Variants in MYH2 observed in about 807,000 individuals in gnomAD.
MYH2 encodes myosin-2.
MYH2 carries 139 observed loss-of-function variants against 228.1 expected under a neutral mutation model. The ratio of observed to expected loss-of-function variants is 0.61; its 90% CI spans 0.53 to 0.70. The LOEUF (loss-of-function observed/expected upper bound fraction) is 0.70. Among genes scored for constraint, MYH2 ranks in the 30% least tolerant of loss-of-function variants. MYH2 has a pLI of 0.00. For missense variants in MYH2, 1,809 were observed against 2,357.5 expected (o/e 0.77, Z 4.82); for synonymous variants, 796 against 871.1 (o/e 0.91, Z 1.52).
intron 23 of MYH2, 41 bp from the exon 24 acceptor site, chr17:10,529,781 C>T (rs761672689): frequency 6.2e-7 from 1 of 1,613,990 alleles, no homozygotes; most frequent in African/African-American, 1.3e-5. Context: ...TATAAAGCAC[C>T]TTTGTTGGGT....
chr17:10,524,431 A>G lies in MYH2; in HGVS notation c.5175+35T>C. On this transcript the variant is annotated intron_variant, in intron 35 of 39. Transcript: ENST00000245503. The surrounding 1 kb of genome is among the most constrained non-coding windows in gnomAD (Gnocchi z 4.7). Reference sequence around the variant, plus strand: ...GCTTATCTATTCTGGGACATATAAAATTTACTAAGGAGAGTTCTTTGTGCT... The same window carrying G: ...GCTTATCTATTCTGGGACATATAAAGTTTACTAAGGAGAGTTCTTTGTGCT... The G allele has an allele frequency of 6.2e-7, 1 of 1,613,876 alleles. No individual in the cohort carries two copies.
At chr17:10,530,902 CA>C (rs1456739123) in intron 22 of MYH2, among the ~76,000 whole-genome samples, 1 of 152,020 alleles carries the variant, frequency 6.6e-6, no homozygotes, top group East Asian at 1.9e-4. Context: ...CCAGTCTTAA[CA>C]GAAAAAAATA....
chr17:10,528,732 A>G lies in MYH2; in HGVS notation c.3702T>C (p.Ile1234=), dbSNP rs778284203. Residue 1234 remains isoleucine (I), a synonymous_variant, in exon 27 of 40, where the codon ATT becomes ATC. Transcript: ENST00000245503. ...TTTCTACATTACTAGCAAGGTCATC[A>G]ATCTCCATCTTCATCTCACTCTTCT... The part of the protein sequence containing the change: ...EKEKSEMKME[I]DDLASNVETV... 6 of 1,614,096 alleles carry G rather than the reference A, an allele frequency of 3.7e-6. No homozygotes were observed. The highest frequency in any genetic ancestry group is 3.3e-5 in the South Asian group (3 of 91,074).
In MYH2 at chr17:10,525,529, G is replaced by T. The variant is rs1252661708; in HGVS notation, c.4459C>A (p.Leu1487Met). 1 of 1,614,074 alleles carries T rather than the reference G, an allele frequency of 6.2e-7. No homozygotes were observed. Among genetic ancestry groups the T allele is most frequent in the Non-Finnish European group, 8.5e-7 (1 of 1,180,046 alleles). Residue 1487 changes from leucine (L) to methionine (M), a missense_variant, in exon 32 of 40, where the codon CTG (leucine) becomes ATG (methionine). Coordinates refer to ENST00000245503, the MANE Select transcript of MYH2 (RefSeq NM_017534.6). This position sits in a 1 kb window ranked among gnomAD's most constrained non-coding sequence, Gnocchi z 4.2. ...TCATAGGCATTCTTTATCTTGAACAGCTCAGTGCCAAGGGAACGGGCCTCC... is the reference window on the plus strand; with the variant it reads ...TCATAGGCATTCTTTATCTTGAACATCTCAGTGCCAAGGGAACGGGCCTCC... ...QKEARSLGTE[L>M]FKIKNAYEES...
chr17:10,542,542 G>C (rs1242702985), intron 10 of MYH2, among the ~76,000 whole-genome samples: 1 of 152,132 alleles, frequency 6.6e-6, no homozygotes, highest in Non-Finnish European at 1.5e-5. Flanking sequence ...TTACAGGAGA[G>C]CATGTAACCA....
Position 10,547,474 on chromosome 17 carries a change from C to T in MYH2, c.348+1G>A, listed in dbSNP as rs778595649. On this transcript the variant is annotated splice_donor_variant, in intron 4 of 39. Transcript: ENST00000245503. LOFTEE classifies it high-confidence loss of function. ...ACAGAGCACTGGCAGGGGACACTCA[C>T]GTAGATCATCCAGGCTGCATAACGT... The T allele has an allele frequency of 6.2e-7, 1 of 1,614,090 alleles. No individual in the cohort carries two copies. Among genetic ancestry groups the T allele is most frequent in the Non-Finnish European group, 8.5e-7 (1 of 1,179,992 alleles).
At chr17:10,536,398 AAATGT>A (rs2073482388) in intron 17 of MYH2, 127 bp downstream of exon 17, 2 of 672,336 alleles carry the variant, frequency 3.0e-6, no homozygotes, top group East Asian at 2.9e-5. Flanking sequence ...TAATTTTAAT[AAATGT>A]AATGTGATAT....
In MYH2 at chr17:10,545,389, G is replaced by A. The variant is rs1440894208; in HGVS notation, c.462C>T (p.His154=). The change falls in exon 5 of 40, where the codon CAC becomes CAT. Residue 154 remains histidine, a synonymous_variant. Coordinates refer to ENST00000245503, the MANE Select transcript of MYH2 (RefSeq NM_017534.6). ...RGKKRQEAPP[H]IFSISDNAYQ... ...AGGCGTTGTCAGAGATGGAGAAGATGTGGGGCGGGGCCTCCTGGCGCTTTT... is the reference window on the plus strand; with the variant it reads ...AGGCGTTGTCAGAGATGGAGAAGATATGGGGCGGGGCCTCCTGGCGCTTTT... The A allele has an allele frequency of 2.0e-5, 33 of 1,613,954 alleles. No homozygotes were observed. Among genetic ancestry groups the A allele is most frequent in the Non-Finnish European group, 2.5e-5 (30 of 1,180,000 alleles).
rs926861042 is a variant in MYH2, at chr17:10,524,427, T to C, written c.5175+39A>G. ...TCAGGCTTATCTATTCTGGGACATA[T>C]AAAATTTACTAAGGAGAGTTCTTTG... On this transcript the variant is annotated intron_variant, in intron 35 of 39. Coordinates refer to ENST00000245503, the MANE Select transcript of MYH2 (RefSeq NM_017534.6). This position sits in a 1 kb window ranked among gnomAD's most constrained non-coding sequence, Gnocchi z 4.7. 3 of 1,613,496 alleles carry C rather than the reference T, an allele frequency of 1.9e-6. No homozygotes were observed. The highest frequency in any genetic ancestry group is 8.5e-7 in the Non-Finnish European group (1 of 1,179,406).
At position 10,521,324 on chromosome 17, in the gene MYH2, C is replaced by A. The variant is rs774094243; in HGVS notation, c.5782G>T (p.Val1928Leu). The change falls in exon 40 of 40, where the codon GTG becomes TTG. Residue 1928 changes from valine to leucine, a missense_variant. Coordinates refer to ENST00000245503, the MANE Select transcript of MYH2 (RefSeq NM_017534.6). ...TTTGTGTGAACCTCCCGGCTCTTCA[C>A]CCGCAGTTTGTTCACCTGGGACTCA... ...IAESQVNKLR[V>L]KSREVHTKVI... 6.2e-7 allele frequency: 1 copy of A among 1,614,042 alleles called. No homozygotes were observed. Among genetic ancestry groups the A allele is most frequent in the Non-Finnish European group, 8.5e-7 (1 of 1,180,040 alleles).
At position 10,521,149 on chromosome 17, in the gene MYH2, A is replaced by G. The variant is rs1407636374; in HGVS notation, c.*131T>C. 10 of 1,110,212 alleles carry G rather than the reference A, an allele frequency of 9.0e-6. No homozygotes were observed. Among genetic ancestry groups the G allele is most frequent in the African/African-American group, 1.5e-5 (1 of 65,368 alleles). The allele number at this position is 1,110,212 out of a possible 1,614,324, so 68.8% of individuals were successfully genotyped here. ...GAAAAGACAAGACCAGTCTAAGGAT[A>G]TTGTTTGCAAACTACCCTATGCTTT... is the stretch of plus-strand genomic sequence containing the variant. On this transcript the variant is annotated 3_prime_UTR_variant, in exon 40 of 40. Coordinates refer to ENST00000245503, the MANE Select transcript of MYH2 (RefSeq NM_017534.6).
chr17:10,522,960 A>C (rs1176459205), intron 39 of MYH2, 130 bp downstream of exon 39: 3 of 688,932 alleles, frequency 4.4e-6, no homozygotes, highest in East Asian at 2.7e-5. Flanking sequence ...AATGATACAC[A>C]AGAATTATTG....
rs748076083 is a variant in MYH2, at chr17:10,529,913, A to G, written c.2859T>C (p.Cys953=). 1.2e-6 allele frequency: 2 copies of G among 1,612,886 alleles called. No homozygotes were observed. Among genetic ancestry groups the G allele is most frequent in the South Asian group, 2.2e-5 (2 of 91,070 alleles). The stretch of plus-strand genomic sequence containing the variant: ...CATCAATGTCTTTCTTGAGTTCTGA[A>G]CATTCATCCTCCAGTTTCCTCTTCT... ...TAKKRKLEDE[C]SELKKDIDDL... Residue 953 remains cysteine, a synonymous_variant, in exon 23 of 40, where the codon TGT becomes TGC. Coordinates refer to ENST00000245503, the MANE Select transcript of MYH2 (RefSeq NM_017534.6).
rs141174023 is a variant in MYH2, at chr17:10,547,850, C to A, written c.71G>T (p.Arg24Leu). The stretch of plus-strand genomic sequence containing the variant: ...AAAGGGCCTATTCTGGGCCTCAATG[C>A]GCTCCCTTTCAGACTTTCGGAGGAA... ...APFLRKSERE[R>L]IEAQNRPFDA... The change falls in exon 3 of 40, where the codon CGC becomes CTC. Residue 24 changes from arginine to leucine, a missense_variant. Physicochemically the swap from Arg to Leu is moderately radical, Grantham distance 102. This residue lies in a region of MYH2 where 84 missense variants were observed against 81.8 expected (regional missense o/e 1.03). Coordinates refer to ENST00000245503, the MANE Select transcript of MYH2 (RefSeq NM_017534.6). 19 of 1,614,056 alleles carry A rather than the reference C, an allele frequency of 1.2e-5. No homozygotes were observed. The highest frequency in any genetic ancestry group is 3.3e-4 in the Middle Eastern group (2 of 6,084).
chr17:10,527,975 A>G (rs1274513546), intron 27 of MYH2, 101 bp from the exon 28 acceptor site: 6 of 1,365,676 alleles, frequency 4.4e-6, no homozygotes, highest in Admixed American at 1.9e-5. Context: ...AAAATACAAT[A>G]TTTATCTTAA....
At position 10,522,911 on chromosome 17, in the gene MYH2, T is replaced by C. The variant is rs114087730; in HGVS notation, c.5673+179A>G. On this transcript the variant is annotated intron_variant, in intron 39 of 39. Transcript: ENST00000245503. ...AATTTTTTTCAGGATTCTTGGTGGATTGAAAGTTTACTTTTAAAATGAAGC... is the reference window on the plus strand; with the variant it reads ...AATTTTTTTCAGGATTCTTGGTGGACTGAAAGTTTACTTTTAAAATGAAGC... Among the ~76,000 whole-genome samples the C allele has an allele frequency of 5.2e-3, 787 of 152,308 alleles. 9 individuals carry two copies. Among genetic ancestry groups the C allele is most frequent in the African/African-American group, 0.018 (754 of 41,578 alleles).
Position 10,529,580 on chromosome 17 carries a change from T to C in MYH2, c.3101A>G (p.Glu1034Gly). The C allele has an allele frequency of 6.2e-7, 1 of 1,614,216 alleles. No homozygotes were observed. Among genetic ancestry groups the C allele is most frequent in the Non-Finnish European group, 8.5e-7 (1 of 1,180,042 alleles). The change falls in exon 24 of 40, where the codon GAA (glutamate) becomes GGA (glycine). Residue 1034 changes from glutamate to glycine, a missense_variant. Glu to Gly is a moderately conservative substitution (Grantham distance 98). Coordinates refer to ENST00000245503, the MANE Select transcript of MYH2 (RefSeq NM_017534.6). ...NTLTKAKIKLEQQVDDLEGSL... is the reference protein window; with the variant it reads ...NTLTKAKIKLGQQVDDLEGSL... Reference sequence around the variant, plus strand: ...CAGACTTACATCATCCACTTGTTGTTCAAGTTTGATTTTAGCTTTGGTCAG... The same window carrying C: ...CAGACTTACATCATCCACTTGTTGTCCAAGTTTGATTTTAGCTTTGGTCAG...
chr17:10,525,662 A>C lies in MYH2; in HGVS notation c.4371+31T>G, dbSNP rs1259732000. The C allele has an allele frequency of 1.2e-6, 2 of 1,614,198 alleles. No homozygotes were observed. Among genetic ancestry groups the C allele is most frequent in the African/African-American group, 2.7e-5 (2 of 75,056 alleles). ...ACCTGCTGCAAAGACAAAAGAGTAG[A>C]GTAAAGAGCAGAAGATGCTGGAGGA... On this transcript the variant is annotated intron_variant, in intron 31 of 39. Transcript: ENST00000245503. This position sits in a 1 kb window ranked among gnomAD's most constrained non-coding sequence, Gnocchi z 4.2.
chr17:10,545,388 T>A lies in MYH2; in HGVS notation c.463A>T (p.Ile155Phe). 1 of 1,614,008 alleles carries A rather than the reference T, an allele frequency of 6.2e-7. No homozygotes were observed. ...TAGGCGTTGTCAGAGATGGAGAAGA[T>A]GTGGGGCGGGGCCTCCTGGCGCTTT... is the stretch of plus-strand genomic sequence containing the variant. ...GKKRQEAPPH[I>F]FSISDNAYQF... Residue 155 changes from isoleucine (I) to phenylalanine (F), a missense_variant, in exon 5 of 40, where the codon ATC (isoleucine) becomes TTC (phenylalanine). By Grantham distance (21) the Ile-to-Phe change is conservative. Coordinates refer to ENST00000245503, the MANE Select transcript of MYH2 (RefSeq NM_017534.6).
Sources: allele counts gnomAD v4.1 joint callset (sites outside exome capture counted in the v4.1 genomes callset), GRCh38; gene constraint gnomAD v4.1.1; regional missense constraint gnomAD v4.1.1; non-coding constraint Gnocchi (gnomAD v3.1); transcripts MANE v1.5; gene names NCBI Gene and HGNC (gene_info 2026-07-23, HGNC 2026-07-21).